The following DDX10 variants were observed in gnomAD, a reference collection of about 807,000 sequenced individuals.
DDX10 encodes the protein probable ATP-dependent RNA helicase DDX10.
A neutral mutation model predicts 104.3 loss-of-function variants in DDX10; 74 were observed. The ratio of observed to expected loss-of-function variants is 0.71; its 90% CI spans 0.59 to 0.86. The LOEUF (loss-of-function observed/expected upper bound fraction) is 0.86, where lower values mean the gene tolerates loss of function less well. Ranked by LOEUF, DDX10 falls within the 40% of genes least tolerant of loss-of-function variation. The probability of loss-of-function intolerance (pLI) is 0.00; values close to 1 mark genes in which losing one functional copy is unlikely to be tolerated. For synonymous variants in DDX10, 351 were observed against 353.4 expected (o/e 0.99, Z 0.08); for missense variants, 952 against 1,040.0 (o/e 0.92, Z 1.16).
At chr11:108,886,807 T>C (rs752711052) in intron 16 of DDX10, among the ~76,000 whole-genome samples, 1 of 152,214 alleles carries the variant, frequency 6.6e-6, no homozygotes, top group Non-Finnish European at 1.5e-5. Flanking sequence ...CATTATTCCA[T>C]GAGTCATATA....
intron 16 of DDX10, among the ~76,000 whole-genome samples, chr11:108,884,729 C>T (rs1863272306): frequency 6.6e-6 from 1 of 152,096 alleles, no homozygotes; most frequent in African/African-American, 2.4e-5. Flanking sequence ...TTCTCTTTTG[C>T]TGCTTGAGAA....
intron 16 of DDX10, among the ~76,000 whole-genome samples, chr11:108,858,609 A>G (rs1004675220): frequency 6.6e-6 from 1 of 152,202 alleles, no homozygotes; most frequent in East Asian, 1.9e-4. Flanking sequence ...GTGAATTTGT[A>G]TTAAGATGAT....
intron 13 of DDX10, among the ~76,000 whole-genome samples, chr11:108,828,856 T>A (rs1477503202): frequency 1.3e-5 from 2 of 152,184 alleles, no homozygotes; most frequent in African/African-American, 4.8e-5. Flanking sequence ...ACTCCCGACG[T>A]CAGGTGATCC....
At chr11:108,800,024 A>G (rs1049395357) in intron 13 of DDX10, among the ~76,000 whole-genome samples, 1 of 151,998 alleles carries the variant, frequency 6.6e-6, no homozygotes, top group Admixed American at 6.6e-5. Flanking sequence ...TATAGCCTCC[A>G]ATTCCTGGGC....
chr11:108,712,464 CTT>C (rs1201126762), intron 10 of DDX10, among the ~76,000 whole-genome samples: 1 of 151,198 alleles, frequency 6.6e-6, no homozygotes, highest in Non-Finnish European at 1.5e-5. Flanking sequence ...TTCTTTTTCA[CTT>C]TTTTTAGTGA....
chr11:108,737,805 C>G (rs2094320218), intron 13 of DDX10, among the ~76,000 whole-genome samples: 1 of 152,080 alleles, frequency 6.6e-6, no homozygotes, highest in Non-Finnish European at 1.5e-5. Flanking sequence ...TAAGGCATGC[C>G]TACACCTAAT....
chr11:108,665,731 A>T (rs918406803), intron 1 of DDX10, among the ~76,000 whole-genome samples: 1 of 152,090 alleles, frequency 6.6e-6, no homozygotes, highest in African/African-American at 2.4e-5. Context: ...AACAGATGAG[A>T]TAATTGAGGT....
At chr11:108,700,830 G>A (rs1451666668) in intron 9 of DDX10, among the ~76,000 whole-genome samples, 10 of 150,890 alleles carry the variant, frequency 6.6e-5, no homozygotes, top group African/African-American at 2.2e-4. Context: ...TTTGATTTGC[G>A]GTTTCTTTTT....
Position 108,716,764 on chromosome 11 carries a change from G to T in DDX10, c.1410+798G>T, listed in dbSNP as rs2094292058. Among the ~76,000 whole-genome samples the T allele has an allele frequency of 1.3e-5, 2 of 152,128 alleles. 1 individual carries two copies. Among genetic ancestry groups the T allele is most frequent in the South Asian group, 4.1e-4 (2 of 4,826 alleles). On this transcript the variant is annotated intron_variant, in intron 11 of 17. Transcript: ENST00000322536. ...AGATCTTGATTAGCAAATACATAAA[G>T]AAGTCAATATTTAGTTTTATTTTTC... is the stretch of plus-strand genomic sequence containing the variant.
chr11:108,904,982 G>C (rs925055345), intron 16 of DDX10, among the ~76,000 whole-genome samples: 3 of 152,176 alleles, frequency 2.0e-5, no homozygotes, highest in Non-Finnish European at 4.4e-5. Flanking sequence ...TGACCTTAAA[G>C]CTCAGGATAG....
intron 13 of DDX10, among the ~76,000 whole-genome samples, chr11:108,760,003 TAAAA>T (rs200118606): frequency 7.0e-6 from 1 of 143,228 alleles, no homozygotes; most frequent in African/African-American, 2.5e-5. Context: ...TGATCCATGT[TAAAA>T]AAAAAAAAAG....
intron 17 of DDX10, chr11:108,920,473 T>G (rs1275019073): frequency 1.3e-5 from 2 of 152,188 alleles, no homozygotes; most frequent in Non-Finnish European, 2.9e-5. Context: ...ATATAAGGGC[T>G]TCCTAGCAGG....
intron 17 of DDX10, among the ~76,000 whole-genome samples, chr11:108,928,305 A>G (rs946948439): frequency 2.0e-5 from 3 of 152,204 alleles, no homozygotes; most frequent in African/African-American, 4.8e-5. Context: ...TTCTCTATCA[A>G]TACATAGAAA....
chr11:108,715,939 T>A lies in DDX10; in HGVS notation c.1383T>A (p.Asp461Glu). Residue 461 changes from aspartate (D) to glutamate (E), a missense_variant, in exon 11 of 18, where the codon GAT becomes GAA. Coordinates refer to ENST00000322536, the MANE Select transcript of DDX10 (RefSeq NM_004398.4). ...AATTGGAATCTATTTTAGCTCAAGATCAAGATTTAAAAGAAAGAGCTCAAA... is the reference window on the plus strand; with the variant it reads ...AATTGGAATCTATTTTAGCTCAAGAACAAGATTTAAAAGAAAGAGCTCAAA... ...QKKLESILAQDQDLKERAQRC... is the reference protein window; with the variant it reads ...QKKLESILAQEQDLKERAQRC... 1 of 1,565,366 alleles carries A rather than the reference T, an allele frequency of 6.4e-7. No individual in the cohort carries two copies. Among genetic ancestry groups the A allele is most frequent in the Non-Finnish European group, 8.8e-7 (1 of 1,138,818 alleles).
In DDX10 at chr11:108,910,402, A is replaced by G. The variant is rs1863653152; in HGVS notation, c.2305-7471A>G. 2.0e-5 allele frequency among the ~76,000 whole-genome samples: 3 copies of G among 152,244 alleles called. No homozygotes were observed. The South Asian group carries it at 6.2e-4, about 32-fold the overall frequency. ...CTTCATAGGCTTTGAAGATCAAGTA[A>G]GATAATCTATGTTAAAGCACTTTGT... On this transcript the variant is annotated intron_variant, in intron 16 of 17. Transcript: ENST00000322536.
At chr11:108,742,600 C>G (rs2094326593) in intron 13 of DDX10, among the ~76,000 whole-genome samples, 1 of 151,998 alleles carries the variant, frequency 6.6e-6, no homozygotes, top group Non-Finnish European at 1.5e-5. Flanking sequence ...AACAAAAGAT[C>G]AATAAATCCA....
intron 9 of DDX10, among the ~76,000 whole-genome samples, chr11:108,701,729 C>T (rs935029320): frequency 6.1e-5 from 8 of 130,458 alleles, no homozygotes; most frequent in African/African-American, 2.0e-4. Context: ...CTCTGTCGCC[C>T]AGAGTGGAGT....
At position 108,678,357 on chromosome 11, in the gene DDX10, C is replaced by G. The variant is rs780418559; in HGVS notation, c.580C>G (p.Leu194Val). 6.2e-7 allele frequency: 1 copy of G among 1,612,858 alleles called. No homozygotes were observed. ...TGAGAGGATCAACAACATAAATATA[C>G]TCGTGTGCACACCAGGTCGGCTTCT... ...EAERINNINI[L>V]VCTPGRLLQH... The change falls in exon 5 of 18, where the codon CTC (leucine) becomes GTC (valine). Residue 194 changes from leucine (L) to valine (V), a missense_variant. By Grantham distance (32) the Leu-to-Val change is conservative. This residue lies in a region of DDX10 where 412 missense variants were observed against 479.2 expected (regional missense o/e 0.86). Transcript: ENST00000322536.
intron 6 of DDX10, among the ~76,000 whole-genome samples, chr11:108,686,269 T>C (rs1215654417): frequency 6.6e-6 from 1 of 152,218 alleles, no homozygotes; most frequent in East Asian, 1.9e-4. Context: ...CAAAGTCTGT[T>C]ACTTTAGGGT....
Sources: gnomAD v4.1 joint callset for allele counts (sites outside exome capture counted in the v4.1 genomes callset) on GRCh38, gnomAD v4.1.1 for gene constraint, gnomAD v4.1.1 regional missense constraint, MANE v1.5 for transcripts, NCBI Gene and HGNC (gene_info 2026-07-23, HGNC 2026-07-21) for gene names.